PLD5: variants seen among roughly 807,000 people sequenced by gnomAD.
PLD5 encodes the protein phospholipase D family member 5, also known as inactive phospholipase D5.
Under a neutral mutation model 61.1 loss-of-function variants are expected in PLD5, and 36 were observed. The observed-to-expected ratio is 0.59, with a 90% CI of 0.45 to 0.78. PLD5 has a LOEUF of 0.78. PLD5 is among the 30% of genes least tolerant of loss of function. The pLI is 0.00. For synonymous variants in PLD5, 243 were observed against 242.8 expected (o/e 1.00, Z -0.01); for missense variants, 515 against 644.4 (o/e 0.80, Z 2.17).
Position 242,318,704 on chromosome 1 carries a change from C to T in PLD5, c.326+29402G>A, listed in dbSNP as rs146971787. ...GGGTCTCTCACTATGTTGCCCAGGC[C>T]GTCCTTAACTCCTAGGCTCAAGTGA... On this transcript the variant is annotated intron_variant, in intron 2 of 9. Transcript: ENST00000536534. Among the ~76,000 whole-genome samples the T allele has an allele frequency of 3.8e-4, 58 of 151,556 alleles. 1 individual carries two copies. The East Asian group carries it at 0.01, about 26-fold the overall frequency.
At chr1:242,109,521 G>A (rs1661317565) in intron 7 of PLD5, among the ~76,000 whole-genome samples, 1 of 152,070 alleles carries the variant, frequency 6.6e-6, no homozygotes, top group African/African-American at 2.4e-5. Flanking sequence ...AATCCATAAA[G>A]TGGAAGCTCC....
chr1:242,369,416 A>G (rs1205033946), intron 1 of PLD5, among the ~76,000 whole-genome samples: 6 of 152,228 alleles, frequency 3.9e-5, no homozygotes, highest in African/African-American at 1.2e-4. Context: ...ATATGTGCAT[A>G]AAGATATAAC....
chr1:242,135,194 TACAG>T (rs1241756524), intron 5 of PLD5, among the ~76,000 whole-genome samples: 1 of 152,202 alleles, frequency 6.6e-6, no homozygotes, highest in Non-Finnish European at 1.5e-5. Context: ...TACGTACATA[TACAG>T]ACATTTATAT....
At chr1:242,409,194 G>A (rs1664411499) in intron 1 of PLD5, among the ~76,000 whole-genome samples, 1 of 152,022 alleles carries the variant, frequency 6.6e-6, no homozygotes. Flanking sequence ...ATTGGCCTTG[G>A]GTCAGACACA....
chr1:242,527,808 T>G (rs79544367), upstream of PLD5, among the ~76,000 whole-genome samples: 9 of 152,312 alleles, frequency 5.9e-5, no homozygotes, highest in East Asian at 1.5e-3. Context: ...CCAGGTATAA[T>G]ATGAGAATTT....
chr1:242,214,475 T>A (rs1215860867), intron 5 of PLD5, among the ~76,000 whole-genome samples: 1 of 152,176 alleles, frequency 6.6e-6, no homozygotes, highest in Non-Finnish European at 1.5e-5. Flanking sequence ...CTGTTTTTAT[T>A]ACACACAGTC....
intron 3 of PLD5, among the ~76,000 whole-genome samples, chr1:242,283,108 A>G (rs61845537): frequency 0.28 from 42,802 of 151,380 alleles, 7,144 homozygotes; most frequent in Middle Eastern, 0.43. Context: ...TTTTAAATCA[A>G]CATGTCTGTT....
intron 1 of PLD5, among the ~76,000 whole-genome samples, chr1:242,387,358 C>T (rs10926717): frequency 0.023 from 3,459 of 152,184 alleles, 117 homozygotes; most frequent in East Asian, 0.11. Context: ...CCTAACAAGG[C>T]TAAAGTGATT....
chr1:242,386,522 C>T (rs1178730552), intron 1 of PLD5, among the ~76,000 whole-genome samples: 1 of 152,128 alleles, frequency 6.6e-6, no homozygotes, highest in Non-Finnish European at 1.5e-5. Flanking sequence ...GGCCTTCTTT[C>T]AGTTTACAGG....
chr1:242,188,310 A>G (rs1423567284), intron 5 of PLD5, among the ~76,000 whole-genome samples: 2 of 152,214 alleles, frequency 1.3e-5, no homozygotes, highest in Non-Finnish European at 2.9e-5. Context: ...GATAGGGGAA[A>G]GGGAGAAATT....
chr1:242,409,421 G>A (rs1401776089), intron 1 of PLD5, among the ~76,000 whole-genome samples: 1 of 151,962 alleles, frequency 6.6e-6, no homozygotes, highest in Non-Finnish European at 1.5e-5. Flanking sequence ...TATCACATAA[G>A]CGGAAAATTG....
chr1:242,184,767 A>G (rs1667766098), intron 5 of PLD5, among the ~76,000 whole-genome samples: 1 of 152,058 alleles, frequency 6.6e-6, no homozygotes, highest in Non-Finnish European at 1.5e-5. Context: ...CTGCACTATC[A>G]GAGAAAAGCA....
chr1:242,437,132 G>T (rs1352817488), intron 1 of PLD5, among the ~76,000 whole-genome samples: 7 of 152,156 alleles, frequency 4.6e-5, no homozygotes, highest in Admixed American at 4.6e-4. Context: ...TGATCTGTAA[G>T]AACTCTACTG....
rs146609087 is a variant in PLD5 at position 242,370,799 on chromosome 1, A to C, written c.190-22557T>G. ...CTATATTATAGATAAAAGTGAAAAA[A>C]ATGACAAAATGCCAACTGGTCTTTG... On this transcript the variant is annotated intron_variant, in intron 1 of 9. Coordinates refer to ENST00000536534, the MANE Select transcript of PLD5 (RefSeq NM_001372062.1). 1.2e-3 allele frequency among the ~76,000 whole-genome samples: 185 copies of C among 152,284 alleles called. 1 individual carries two copies. The highest frequency in any genetic ancestry group is 4.2e-3 in the African/African-American group (176 of 41,566).
chr1:242,175,251 C>G (rs547458415), intron 5 of PLD5, among the ~76,000 whole-genome samples: 2 of 152,150 alleles, frequency 1.3e-5, no homozygotes, highest in African/African-American at 4.8e-5. Flanking sequence ...AGCGTATCCA[C>G]CACGATCAAG....
At chr1:242,220,184 A>C (rs1030635425) in intron 4 of PLD5, 69 bp from the exon 5 acceptor site, 3 of 1,564,308 alleles carry the variant, frequency 1.9e-6, no homozygotes, top group Non-Finnish European at 2.6e-6. Flanking sequence ...GTCACCTACC[A>C]GTGGAAATAT....
At chr1:242,145,258 C>A (rs1664464317) in intron 5 of PLD5, among the ~76,000 whole-genome samples, 1 of 152,130 alleles carries the variant, frequency 6.6e-6, no homozygotes, top group Admixed American at 6.6e-5. Context: ...AACTTGAGAA[C>A]CATCTCACAG....
At chr1:242,373,307 C>A (rs1418923394) in intron 1 of PLD5, among the ~76,000 whole-genome samples, 1 of 152,100 alleles carries the variant, frequency 6.6e-6, no homozygotes, top group Non-Finnish European at 1.5e-5. Context: ...ACAACAGGTG[C>A]TGGAGAGGAT....
chr1:242,366,397 C>G (rs1380523768), intron 1 of PLD5, among the ~76,000 whole-genome samples: 1 of 152,088 alleles, frequency 6.6e-6, no homozygotes, highest in East Asian at 1.9e-4. Flanking sequence ...TTTTCCCATG[C>G]CTAACTAAAG....
Sources: gnomAD v4.1 joint callset for allele counts (sites outside exome capture counted in the v4.1 genomes callset) on GRCh38, gnomAD v4.1.1 for gene constraint, MANE v1.5 for transcripts, NCBI Gene and HGNC (gene_info 2026-07-23, HGNC 2026-07-21) for gene names.